SCGN: variants seen among roughly 807,000 people sequenced by gnomAD.
The protein encoded by SCGN is secretagogin.
A neutral mutation model predicts 39.7 loss-of-function variants in SCGN; 30 were observed. The ratio of observed to expected loss-of-function variants is 0.76; its 90% confidence interval spans 0.57 to 1.03. The LOEUF (loss-of-function observed/expected upper bound fraction) is 1.03. Among genes scored for constraint, SCGN ranks in the 50% least tolerant of loss-of-function variants. The pLI is 0.00. For missense variants in SCGN, 353 were observed against 349.4 expected (o/e 1.01, Z -0.08); for synonymous variants, 106 against 114.1 (o/e 0.93, Z 0.45).
At chr6:25,663,862 A>T (rs1760383440) in intron 3 of SCGN, among the ~76,000 whole-genome samples, 1 of 152,338 alleles carries the variant, frequency 6.6e-6, no homozygotes, top group South Asian at 2.1e-4. Flanking sequence ...ACCCATATCC[A>T]ATTAGAAAAT....
At position 25,691,079 on chromosome 6, in the gene SCGN, C is replaced by T; in HGVS notation, c.657C>T (p.Gly219=). Residue 219 remains glycine (G), a synonymous_variant, in exon 10 of 11, where the codon GGC becomes GGT. Transcript: ENST00000377961. Reference sequence around the variant, plus strand: ...AGAGTAAAACAGGAGCCCTGGAAGGCCCAGAAGTGGATGGGTTTGTCAAAG... The same window carrying T: ...AGAGTAAAACAGGAGCCCTGGAAGGTCCAGAAGTGGATGGGTTTGTCAAAG... ...YDVSKTGALE[G]PEVDGFVKDM... is the part of the protein sequence containing the mutation. 6.2e-7 allele frequency: 1 copy of T among 1,613,736 alleles called. No homozygotes were observed. Among genetic ancestry groups the T allele is most frequent in the Middle Eastern group, 1.6e-4 (1 of 6,062 alleles).
chr6:25,671,023 A>G (rs2151379261), intron 6 of SCGN, among the ~76,000 whole-genome samples: 1 of 149,056 alleles, frequency 6.7e-6, no homozygotes, highest in South Asian at 2.2e-4. Context: ...TAGGATTGTT[A>G]TATTTATTAT....
chr6:25,691,230 T>A, intron 10 of SCGN, 106 bp downstream of exon 10: 2 of 823,628 alleles, frequency 2.4e-6, no homozygotes, highest in South Asian at 3.5e-5. Flanking sequence ...AAAGATAAAA[T>A]CTAGGGATGT....
chr6:25,699,690 C>G, intron 10 of SCGN, among the ~76,000 whole-genome samples: 1 of 150,826 alleles, frequency 6.6e-6, no homozygotes. Context: ...TTGGATTTTA[C>G]AAAGTCAGTG....
intron 6 of SCGN, among the ~76,000 whole-genome samples, chr6:25,675,539 C>G (rs1759554037): frequency 6.6e-6 from 1 of 152,242 alleles, no homozygotes; most frequent in Non-Finnish European, 1.5e-5. Context: ...CAAGCCCTGT[C>G]TTTTGGACGT....
intron 10 of SCGN, among the ~76,000 whole-genome samples, chr6:25,692,900 G>T (rs1759790237): frequency 6.6e-6 from 1 of 151,122 alleles, no homozygotes; most frequent in Non-Finnish European, 1.5e-5. Context: ...ATTTTTTTTT[G>T]TAGATGAGGC....
intron 10 of SCGN, 72 bp from the exon 11 acceptor site, chr6:25,701,135 C>A: frequency 2.6e-6 from 4 of 1,523,364 alleles, no homozygotes; most frequent in Non-Finnish European, 3.5e-6. Flanking sequence ...GCTTAGGGAG[C>A]ATCAGAGAGG....
intron 4 of SCGN, among the ~76,000 whole-genome samples, chr6:25,668,287 G>A (rs970224741): frequency 6.6e-6 from 1 of 152,018 alleles, no homozygotes; most frequent in African/African-American, 2.4e-5. Context: ...ATTGATGTGA[G>A]GCTTGTCCAT....
At position 25,701,382 on chromosome 6, in the gene SCGN, G is replaced by C; in HGVS notation, c.*47G>C. On this transcript the variant is annotated 3_prime_UTR_variant, in exon 11 of 11. Coordinates refer to ENST00000377961, the MANE Select transcript of SCGN (RefSeq NM_006998.4). ...GCTCTTACTATGTTTCTGTGATCTT[G>C]CTGGTAGAATTGTATCTGTGCATTG... 1 of 1,591,184 alleles carries C rather than the reference G, an allele frequency of 6.3e-7. No individual in the cohort carries two copies. Among genetic ancestry groups the C allele is most frequent in the Non-Finnish European group, 8.6e-7 (1 of 1,169,136 alleles).
chr6:25,682,062 T>A lies in SCGN; in HGVS notation c.527+56T>A, dbSNP rs376518175. On this transcript the variant is annotated intron_variant, in intron 7 of 10. Transcript: ENST00000377961. ...CAGAAATACCTTACTAGGGGTCTGA[T>A]GACATCATATATTTCCTTTTGAGAC... 7.0e-5 allele frequency: 92 copies of A among 1,308,182 alleles called. No homozygotes were observed. The African/African-American group carries it at 1.2e-3, about 17-fold the overall frequency. The allele number at this position is 1,308,182 out of a possible 1,614,324, so 81.0% of individuals were successfully genotyped here. A position where few individuals can be genotyped will look rare whatever the true frequency, so the allele number is the denominator to read the frequency against.
At chr6:25,671,781 CT>C (rs1163909413) in intron 6 of SCGN, among the ~76,000 whole-genome samples, 1 of 152,116 alleles carries the variant, frequency 6.6e-6, no homozygotes, top group Non-Finnish European at 1.5e-5. Flanking sequence ...CAGAAACTGC[CT>C]GGGGTACAGA....
intron 3 of SCGN, 108 bp downstream of exon 3, chr6:25,661,752 C>T: frequency 1.4e-6 from 1 of 728,486 alleles, no homozygotes; most frequent in Non-Finnish European, 2.2e-6. Flanking sequence ...GGAAACTTTA[C>T]ATTTGATCAG....
intron 7 of SCGN, among the ~76,000 whole-genome samples, chr6:25,688,004 CTGT>C (rs1759726863): frequency 6.6e-6 from 1 of 152,252 alleles, no homozygotes; most frequent in East Asian, 1.9e-4. Context: ...CTCCTCCTTT[CTGT>C]TGTTAAAATT....
Position 25,680,177 on chromosome 6 carries a change from T to A in SCGN, c.472-1774T>A, listed in dbSNP as rs935615504. 3.9e-5 allele frequency among the ~76,000 whole-genome samples: 6 copies of A among 152,226 alleles called. No individual in the cohort carries two copies. In the East Asian group the frequency reaches 7.7e-4, roughly 20 times the overall value. Reference sequence around the variant, plus strand: ...GAAGCCATTATGTCTCAAACAAATATGCCAAGCATTCAAAATTCACTAAAG... The same window carrying A: ...GAAGCCATTATGTCTCAAACAAATAAGCCAAGCATTCAAAATTCACTAAAG... On this transcript the variant is annotated intron_variant, in intron 6 of 10. Transcript: ENST00000377961.
Position 25,701,423 on chromosome 6 carries a change from T to G in SCGN, c.*88T>G. 6.6e-7 allele frequency: 1 copy of G among 1,503,940 alleles called. No homozygotes were observed. The highest frequency in any genetic ancestry group is 1.9e-5 in the Admixed American group (1 of 51,436). 93.2% of individuals were successfully genotyped at this position (1,503,940 alleles called of 1,614,324 possible). On this transcript the variant is annotated 3_prime_UTR_variant, in exon 11 of 11. Coordinates refer to ENST00000377961, the MANE Select transcript of SCGN (RefSeq NM_006998.4). ...CTGTGCATTGATGTTGGGAACACAGTGGGCAAACTCACAAATGGTGTGCTA... is the reference window on the plus strand; with the variant it reads ...CTGTGCATTGATGTTGGGAACACAGGGGGCAAACTCACAAATGGTGTGCTA...
intron 10 of SCGN, among the ~76,000 whole-genome samples, chr6:25,693,922 C>T (rs749581408): frequency 2.2e-4 from 34 of 152,164 alleles, no homozygotes; most frequent in Non-Finnish European, 4.6e-4. Context: ...GTTTCCTCAT[C>T]TGGAAGATGG....
intron 4 of SCGN, among the ~76,000 whole-genome samples, 155 bp downstream of exon 4, chr6:25,665,187 C>A (rs575380319): frequency 6.3e-4 from 96 of 152,228 alleles, no homozygotes; most frequent in African/African-American, 1.9e-3. Context: ...GTGATGAGGA[C>A]TTTGGTCCCA....
rs1229873883 is a variant in SCGN, at chr6:25,664,934, T to C, written c.247-9T>C. 4.3e-6 allele frequency: 7 copies of C among 1,610,420 alleles called. No individual in the cohort carries two copies. The highest frequency in any genetic ancestry group is 5.9e-6 in the Non-Finnish European group (7 of 1,176,918). On this transcript the variant is annotated splice_polypyrimidine_tract_variant and intron_variant, in intron 3 of 10. Transcript: ENST00000377961. ...GTGTCCCTGACTGTTATTCTTTCTG[T>C]TCCTTCAGCTTGCTGGTATGTTCTT...
intron 2 of SCGN, among the ~76,000 whole-genome samples, chr6:25,655,020 G>T (rs1760203152): frequency 6.6e-6 from 1 of 152,190 alleles, no homozygotes; most frequent in East Asian, 1.9e-4. Context: ...TCACGTGCTA[G>T]CAGCCCATGG....
Sources: gnomAD v4.1 joint callset for allele counts (sites outside exome capture counted in the v4.1 genomes callset) on GRCh38, gnomAD v4.1.1 for gene constraint, MANE v1.5 for transcripts, NCBI Gene and HGNC (gene_info 2026-07-23, HGNC 2026-07-21) for gene names.